Variants in PMFBP1 observed in about 807,000 individuals in gnomAD.
The protein encoded by PMFBP1 is polyamine-modulated factor 1-binding protein 1.
In PMFBP1, 131 loss-of-function variants were observed where a neutral mutation model predicts 137.8. The ratio of observed to expected loss-of-function variants is 0.95; its 90% CI spans 0.82 to 1.10. The LOEUF is 1.10. Among genes scored for constraint, PMFBP1 ranks in the 50% least tolerant of loss-of-function variants. The pLI is 0.00. For synonymous variants in PMFBP1, 490 were observed against 450.4 expected, an observed-to-expected ratio of 1.09 and a Z score of -1.11; for missense variants, 1,199 against 1,175.4, an observed-to-expected ratio of 1.02 and a Z score of -0.29.
intron 1 of PMFBP1, 165 bp downstream of exon 1, chr16:72,171,889 T>C (rs1389115455): frequency 6.6e-6 from 1 of 152,212 alleles, no homozygotes; most frequent in Non-Finnish European, 1.5e-5. Context: ...TGCTGAGACT[T>C]ATCTAGCTAG....
the PMFBP1 span, among the ~76,000 whole-genome samples, chr16:72,249,015 A>C: frequency 6.6e-6 from 1 of 152,174 alleles, no homozygotes; most frequent in African/African-American, 2.4e-5. Flanking sequence ...TATATAATAA[A>C]AGTGACCTGT....
intron 19 of PMFBP1, among the ~76,000 whole-genome samples, chr16:72,122,586 T>A (rs1411427447): frequency 6.6e-6 from 1 of 152,238 alleles, no homozygotes; most frequent in African/African-American, 2.4e-5. Context: ...TGTTAGAGCA[T>A]CTCAGCCCCT....
intron 14 of PMFBP1, 129 bp from the exon 15 acceptor site, chr16:72,126,261 C>G (rs1597460486): frequency 1.0e-6 from 1 of 991,694 alleles, no homozygotes; most frequent in East Asian, 2.5e-5. Flanking sequence ...TCCGTGTTAA[C>G]ACTCACATCT....
chr16:72,155,277 G>C (rs1460940183), intron 3 of PMFBP1, among the ~76,000 whole-genome samples: 1 of 152,054 alleles, frequency 6.6e-6, no homozygotes, highest in Non-Finnish European at 1.5e-5. Context: ...GGATAAAGAG[G>C]GTAGCCTCTG....
Position 72,164,778 on chromosome 16 carries a change from T to G in PMFBP1, c.151A>C (p.Met51Leu), listed in dbSNP as rs748716914. 1 of 1,593,234 alleles carries G rather than the reference T, an allele frequency of 6.3e-7. No homozygotes were observed. Among genetic ancestry groups the G allele is most frequent in the East Asian group, 2.3e-5 (1 of 44,316 alleles). ...QDNQLCMEEA[M>L]NSSHDKKQAQ... ...AAGTCCCTTACGTGGCTGCTGTTCATTGCCTCCTCCATGCAGAGCTGATTG... is the reference window on the plus strand; with the variant it reads ...AAGTCCCTTACGTGGCTGCTGTTCAGTGCCTCCTCCATGCAGAGCTGATTG... The change falls in exon 3 of 21, where the codon ATG becomes CTG. Residue 51 changes from methionine to leucine, a missense_variant. Coordinates refer to ENST00000237353, the MANE Select transcript of PMFBP1 (RefSeq NM_031293.3).
chr16:72,214,378 C>T, the PMFBP1 span, among the ~76,000 whole-genome samples: 2 of 151,990 alleles, frequency 1.3e-5, no homozygotes, highest in Admixed American at 6.6e-5. Context: ...GGTTTTGCCA[C>T]GTTAGCCAGG....
At chr16:72,189,005 A>C in the PMFBP1 span, among the ~76,000 whole-genome samples, 1 of 152,140 alleles carries the variant, frequency 6.6e-6, no homozygotes, top group African/African-American at 2.4e-5. Flanking sequence ...ATGGTGACAA[A>C]CAGTCGGTAG....
the PMFBP1 span, among the ~76,000 whole-genome samples, chr16:72,198,099 T>G: frequency 1.3e-5 from 2 of 152,102 alleles, no homozygotes; most frequent in African/African-American, 4.8e-5. Context: ...TAAATAAATA[T>G]TTTAACTGGA....
chr16:72,138,243 T>C (rs1758366589), intron 7 of PMFBP1, among the ~76,000 whole-genome samples: 1 of 152,142 alleles, frequency 6.6e-6, no homozygotes, highest in South Asian at 2.1e-4. Context: ...CTTTCTGGGA[T>C]TGGAAAGTCC....
At chr16:72,146,754 T>C (rs2042813128) in intron 5 of PMFBP1, among the ~76,000 whole-genome samples, 2 of 152,162 alleles carry the variant, frequency 1.3e-5, no homozygotes, top group Admixed American at 1.3e-4. Context: ...AGCCAAATCA[T>C]GAGTGAACTC....
chr16:72,220,540 T>G, the PMFBP1 span, among the ~76,000 whole-genome samples: 1 of 152,200 alleles, frequency 6.6e-6, no homozygotes, highest in Admixed American at 6.5e-5. Flanking sequence ...TTCCCCTATT[T>G]GATAAATTCT....
chr16:72,125,925 C>G, intron 15 of PMFBP1, 43 bp downstream of exon 15: 1 of 1,598,630 alleles, frequency 6.3e-7, no homozygotes, highest in Non-Finnish European at 8.5e-7. Context: ...TTGACGTTTC[C>G]TTGCCTGAAA....
intron 10 of PMFBP1, among the ~76,000 whole-genome samples, chr16:72,132,021 T>G (rs952136326): frequency 2.0e-5 from 3 of 152,134 alleles, no homozygotes; most frequent in Admixed American, 6.6e-5. Flanking sequence ...AATTTTTGTA[T>G]GTTTTGTAGA....
At chr16:72,145,241 A>C (rs903009363) in intron 5 of PMFBP1, among the ~76,000 whole-genome samples, 8 of 152,192 alleles carry the variant, frequency 5.3e-5, no homozygotes, top group Non-Finnish European at 7.3e-5. Context: ...TCAAAACCGC[A>C]CAACTGCATG....
chr16:72,162,907 T>C (rs543539336), intron 3 of PMFBP1, among the ~76,000 whole-genome samples: 1 of 152,352 alleles, frequency 6.6e-6, no homozygotes, highest in East Asian at 1.9e-4. Flanking sequence ...CTGAGATCCA[T>C]TTAGGAAACT....
the PMFBP1 span, among the ~76,000 whole-genome samples, chr16:72,214,379 G>A: frequency 1.4e-4 from 21 of 152,222 alleles, 1 homozygote; most frequent in South Asian, 8.3e-4. Flanking sequence ...GTTTTGCCAC[G>A]TTAGCCAGGA....
At chr16:72,123,116 A>T in intron 18 of PMFBP1, 128 bp from the exon 19 acceptor site, 1 of 787,818 alleles carries the variant, frequency 1.3e-6, no homozygotes, top group Non-Finnish European at 2.1e-6. Context: ...CCCACGCATC[A>T]CCCCGTCCGC....
At chr16:72,232,611 A>G in the PMFBP1 span, among the ~76,000 whole-genome samples, 1 of 152,172 alleles carries the variant, frequency 6.6e-6, no homozygotes, top group African/African-American at 2.4e-5. Context: ...GCTGTTTCTC[A>G]TTATAGCCAA....
chr16:72,164,993 C>T, intron 2 of PMFBP1, 77 bp from the exon 3 acceptor site: 1 of 1,427,172 alleles, frequency 7.0e-7, no homozygotes, highest in Non-Finnish European at 9.3e-7. Flanking sequence ...AACAGGTTGA[C>T]AGAGACTTGA....
Sources: allele counts gnomAD v4.1 joint callset (sites outside exome capture counted in the v4.1 genomes callset), GRCh38; gene constraint gnomAD v4.1.1; transcripts MANE v1.5; gene names NCBI Gene and HGNC (gene_info 2026-07-23, HGNC 2026-07-21).